Variants in NFIB observed in about 807,000 individuals in gnomAD.
The protein encoded by NFIB is nuclear factor I B.
NFIB carries 11 observed loss-of-function variants against 61.5 expected under a neutral mutation model. The ratio of observed to expected loss-of-function variants is 0.18; its 90% CI spans 0.11 to 0.30. The LOEUF (loss-of-function observed/expected upper bound fraction) is 0.30, where lower values mean the gene tolerates loss of function less well. NFIB is among the 10% of genes least tolerant of loss of function. The pLI, the probability that NFIB is intolerant of heterozygous loss-of-function variation, is 1.00. For synonymous variants in NFIB, 260 were observed against 216.5 expected, an observed-to-expected ratio of 1.20 and a Z score of -1.76; for missense variants, 471 against 608.9, an observed-to-expected ratio of 0.77 and a Z score of 2.38.
chr9:14,492,260 G>T, the NFIB span, among the ~76,000 whole-genome samples: 1 of 151,978 alleles, frequency 6.6e-6, no homozygotes, highest in South Asian at 2.1e-4. Context: ...CTACTCGGGA[G>T]GCTGAGGCAG....
chr9:14,249,696 G>A lies in NFIB; in HGVS notation c.562+57293C>T, dbSNP rs1399320759. Reference sequence around the variant, plus strand: ...AGAGAGAGAGGGAGGGAGGGGAGAAGAAGAGAGGAAGGAAGGAGAGTAAAG... The same window carrying A: ...AGAGAGAGAGGGAGGGAGGGGAGAAAAAGAGAGGAAGGAAGGAGAGTAAAG... On this transcript the variant is annotated intron_variant, in intron 2 of 10. Coordinates refer to ENST00000380953, the MANE Select transcript of NFIB (RefSeq NM_001190737.2). 1.3e-5 allele frequency among the ~76,000 whole-genome samples: 2 copies of A among 152,030 alleles called. 1 individual carries two copies. Among genetic ancestry groups the A allele is most frequent in the African/African-American group, 4.8e-5 (2 of 41,398 alleles).
chr9:14,427,151 CCGATTGACTTAACAGT>C, the NFIB span, among the ~76,000 whole-genome samples: 1 of 152,066 alleles, frequency 6.6e-6, no homozygotes, highest in Admixed American at 6.5e-5. Context: ...ATTGCAAGTG[CCGATTGACTTAACAGT>C]TTCTTCCATT....
chr9:14,270,581 A>C (rs989943344), intron 2 of NFIB, among the ~76,000 whole-genome samples: 7 of 7,998 alleles, frequency 8.8e-4, no homozygotes, highest in African/African-American at 2.7e-3. Flanking sequence ...TTAGATCACA[A>C]AAAAAAAAAA....
chr9:14,445,460 G>A, the NFIB span, among the ~76,000 whole-genome samples: 1 of 151,998 alleles, frequency 6.6e-6, no homozygotes, highest in Non-Finnish European at 1.5e-5. Flanking sequence ...TTGGGTTAAG[G>A]AAGTTACCTC....
intron 1 of NFIB, among the ~76,000 whole-genome samples, chr9:14,310,923 C>T (rs1287423888): frequency 6.6e-6 from 1 of 152,028 alleles, no homozygotes; most frequent in Non-Finnish European, 1.5e-5. Flanking sequence ...ATACTAGGTG[C>T]TCTTGGCGCA....
chr9:14,204,418 GC>G, intron 2 of NFIB: 1 of 1,144,088 alleles, frequency 8.7e-7, no homozygotes, highest in African/African-American at 1.5e-5. Context: ...TTGTGAAATG[GC>G]CCCGCTATAG....
At position 14,113,063 on chromosome 9, in the gene NFIB, G is replaced by T; in HGVS notation, c.1403C>A (p.Thr468Lys). Residue 468 changes from threonine (T) to lysine (K), a missense_variant, in exon 10 of 11, where the codon ACA becomes AAA. Thr to Lys is a moderately conservative substitution (Grantham distance 78, BLOSUM62 -1). This residue lies in a region of NFIB where 372 missense variants were observed against 395.6 expected (regional missense o/e 0.94). Coordinates refer to ENST00000380953, the MANE Select transcript of NFIB (RefSeq NM_001190737.2). ...TSTEAYTASGTSQANRYVGLS... is the reference protein window; with the variant it reads ...TSTEAYTASGKSQANRYVGLS... Reference sequence around the variant, plus strand: ...TCCCACATATCGATTGGCTTGAGATGTGCCTGAGGCTGTGTAGGCTGATTA... The same window carrying T: ...TCCCACATATCGATTGGCTTGAGATTTGCCTGAGGCTGTGTAGGCTGATTA... The T allele has an allele frequency of 1.9e-6, 3 of 1,550,172 alleles. No homozygotes were observed. Among genetic ancestry groups the T allele is most frequent in the Non-Finnish European group, 2.6e-6 (3 of 1,146,790 alleles).
chr9:14,223,824 A>G (rs2052017042), intron 2 of NFIB, among the ~76,000 whole-genome samples: 1 of 152,216 alleles, frequency 6.6e-6, no homozygotes, highest in African/African-American at 2.4e-5. Flanking sequence ...ATAGAGAAGT[A>G]CAATACTAGG....
Position 14,116,356 on chromosome 9 carries a change from A to G in NFIB, c.1246-10T>C, listed in dbSNP as rs1182104013. 2 of 1,494,004 alleles carry G rather than the reference A, an allele frequency of 1.3e-6. No individual in the cohort carries two copies. The highest frequency in any genetic ancestry group is 8.9e-7 in the Non-Finnish European group (1 of 1,118,108). 92.5% of individuals were successfully genotyped at this position (1,494,004 alleles called of 1,614,324 possible). ...GACCACTGCCGTTAGGCTACAAAAC[A>G]AAAACAGAATGCCGGGTGAAGCAAT... On this transcript the variant is annotated splice_polypyrimidine_tract_variant and intron_variant, in intron 8 of 10. Coordinates refer to ENST00000380953, the MANE Select transcript of NFIB (RefSeq NM_001190737.2).
intron 2 of NFIB, among the ~76,000 whole-genome samples, chr9:14,282,337 A>G (rs544671366): frequency 5.7e-4 from 87 of 152,310 alleles, no homozygotes; most frequent in African/African-American, 2.1e-3. Context: ...TAAATATCCC[A>G]TAAATATTAT....
At chr9:14,484,101 C>T in the NFIB span, among the ~76,000 whole-genome samples, 2 of 152,164 alleles carry the variant, frequency 1.3e-5, no homozygotes, top group Non-Finnish European at 2.9e-5. Context: ...CCTAGTTACT[C>T]CTTTTGGAAG....
the NFIB span, among the ~76,000 whole-genome samples, chr9:14,431,632 TG>T: frequency 7.3e-5 from 10 of 136,942 alleles, no homozygotes; most frequent in Middle Eastern, 3.5e-3. Flanking sequence ...TTTTTTGTTT[TG>T]TTTTTTTTTT....
intron 6 of NFIB, among the ~76,000 whole-genome samples, chr9:14,130,641 G>T (rs575357093): frequency 5.3e-4 from 81 of 151,826 alleles, no homozygotes; most frequent in African/African-American, 1.4e-3. Context: ...AACACAAAAA[G>T]ATGTAGAGGC....
intron 2 of NFIB, among the ~76,000 whole-genome samples, chr9:14,247,613 A>C (rs1039346573): frequency 1.3e-5 from 2 of 152,250 alleles, no homozygotes; most frequent in Non-Finnish European, 2.9e-5. Flanking sequence ...GCCACCACTG[A>C]CTAGCTGAAA....
intron 6 of NFIB, among the ~76,000 whole-genome samples, chr9:14,144,495 A>G (rs975875789): frequency 6.6e-6 from 1 of 152,168 alleles, no homozygotes; most frequent in Non-Finnish European, 1.5e-5. Context: ...AGTCTCTATT[A>G]TATCTTGCCT....
chr9:14,231,910 C>T (rs1428248150), intron 2 of NFIB, among the ~76,000 whole-genome samples: 1 of 152,140 alleles, frequency 6.6e-6, no homozygotes, highest in Non-Finnish European at 1.5e-5. Flanking sequence ...TCTCATTTTT[C>T]CCCTTCTTCA....
the NFIB span, among the ~76,000 whole-genome samples, chr9:14,418,942 C>T: frequency 4.6e-5 from 7 of 152,078 alleles, no homozygotes; most frequent in Admixed American, 1.3e-4. Flanking sequence ...AAATGAGATA[C>T]AGGAAATAGG....
chr9:14,188,135 A>G (rs780735448), intron 2 of NFIB, among the ~76,000 whole-genome samples: 1 of 152,224 alleles, frequency 6.6e-6, no homozygotes, highest in Non-Finnish European at 1.5e-5. Flanking sequence ...GGTCATTGTC[A>G]AGATTGCTGA....
chr9:14,127,963 G>A (rs1398013350), intron 6 of NFIB, among the ~76,000 whole-genome samples: 4 of 144,244 alleles, frequency 2.8e-5, no homozygotes, highest in African/African-American at 7.6e-5. Flanking sequence ...GAAATAAATT[G>A]TTCATAAAAC....
Sources: gnomAD v4.1 joint callset for allele counts (sites outside exome capture counted in the v4.1 genomes callset) on GRCh38, gnomAD v4.1.1 for gene constraint, gnomAD v4.1.1 regional missense constraint, MANE v1.5 for transcripts, NCBI Gene and HGNC (gene_info 2026-07-23, HGNC 2026-07-21) for gene names.